CAMTA1: variants seen among roughly 807,000 people sequenced by gnomAD.
CAMTA1 encodes calmodulin binding transcription activator 1, also known as calmodulin-binding transcription activator 1.
A neutral mutation model predicts 170.9 loss-of-function variants in CAMTA1; 27 were observed. That is an observed-to-expected ratio of 0.16 (90% confidence interval 0.12 to 0.22). CAMTA1 has a LOEUF of 0.22. CAMTA1 is among the 10% of genes least tolerant of loss of function. CAMTA1 has a pLI of 1.00. For missense variants in CAMTA1, 1,619 were observed against 2,217.2 expected (o/e 0.73, Z 5.42); for synonymous variants, 833 against 891.5 (o/e 0.93, Z 1.17).
chr1:7,536,114 C>CTGGCAGCCCCCAGAGGTGACA (rs952617115), intron 6 of CAMTA1, among the ~76,000 whole-genome samples: 15 of 152,080 alleles, frequency 9.9e-5, no homozygotes, highest in African/African-American at 3.6e-4. Flanking sequence ...CCAAGCATCC[C>CTGGCAGCCCCCAGAGGTGACA]TGGCAGCCCC....
At chr1:6,917,530 G>A (rs1681071966) in intron 3 of CAMTA1, among the ~76,000 whole-genome samples, 1 of 148,728 alleles carries the variant, frequency 6.7e-6, no homozygotes, top group Non-Finnish European at 1.5e-5. Context: ...AAAGGAATCT[G>A]TAGGACTTGG....
intron 5 of CAMTA1, among the ~76,000 whole-genome samples, chr1:7,377,604 A>G (rs951754177): frequency 3.9e-5 from 6 of 152,246 alleles, no homozygotes; most frequent in Non-Finnish European, 8.8e-5. Flanking sequence ...CAATTCATTT[A>G]GACTAAGGAT....
chr1:7,323,396 A>C (rs1011956812), intron 5 of CAMTA1, among the ~76,000 whole-genome samples: 2 of 151,310 alleles, frequency 1.3e-5, no homozygotes, highest in African/African-American at 4.9e-5. Flanking sequence ...CTTTGCTCCG[A>C]GTTTACCTTC....
chr1:7,527,631 T>G (rs1330161861), intron 6 of CAMTA1, among the ~76,000 whole-genome samples: 1 of 152,158 alleles, frequency 6.6e-6, no homozygotes, highest in South Asian at 2.1e-4. Context: ...GGGCCTTGTA[T>G]CTTGAGCCTA....
chr1:6,990,809 A>C (rs201521948), intron 3 of CAMTA1, among the ~76,000 whole-genome samples: 23,248 of 148,278 alleles, frequency 0.16, 1,971 homozygotes, highest in African/African-American at 0.23. Context: ...CTCTCTCTAT[A>C]TATATATATA....
chr1:6,966,121 C>T (rs1691494404), intron 3 of CAMTA1, among the ~76,000 whole-genome samples: 1 of 152,126 alleles, frequency 6.6e-6, no homozygotes, highest in Admixed American at 6.5e-5. Flanking sequence ...GACTGCCACT[C>T]TCAGATTCAA....
At chr1:7,171,540 G>A (rs1649603073) in intron 4 of CAMTA1, among the ~76,000 whole-genome samples, 1 of 152,144 alleles carries the variant, frequency 6.6e-6, no homozygotes, top group Non-Finnish European at 1.5e-5. Context: ...CTGCTCTTAA[G>A]GGACTCTTTT....
intron 6 of CAMTA1, among the ~76,000 whole-genome samples, chr1:7,478,230 C>G (rs1435898743): frequency 6.6e-6 from 1 of 152,026 alleles, no homozygotes; most frequent in Non-Finnish European, 1.5e-5. Context: ...AAGGTCCTAT[C>G]CAACCCAGTT....
intron 11 of CAMTA1, among the ~76,000 whole-genome samples, chr1:7,688,011 C>CTTTTTTTTTTTTTTTTTTTTTT (rs70987364): frequency 1.5e-4 from 16 of 103,274 alleles, no homozygotes; most frequent in South Asian, 3.4e-4. Context: ...CTCATTATTC[C>CTTTTTTTTTTTTTTTTTTTTTT]TTTTTTTTTT....
intron 6 of CAMTA1, among the ~76,000 whole-genome samples, chr1:7,522,169 C>G (rs559171741): frequency 6.6e-6 from 1 of 152,268 alleles, no homozygotes; most frequent in Admixed American, 6.5e-5. Flanking sequence ...GATGTTGTCA[C>G]TATTTTTTAT....
chr1:7,506,018 G>C (rs573205489), intron 6 of CAMTA1, among the ~76,000 whole-genome samples: 1 of 152,198 alleles, frequency 6.6e-6, no homozygotes, highest in Non-Finnish European at 1.5e-5. Flanking sequence ...AGGGGAGGCA[G>C]AGCTCTTCAC....
intron 7 of CAMTA1, among the ~76,000 whole-genome samples, chr1:7,645,580 G>A (rs1576570608): frequency 6.6e-6 from 1 of 152,242 alleles, no homozygotes; most frequent in Admixed American, 6.5e-5. Flanking sequence ...AGATGGCCCT[G>A]CAGCCATGAG....
At chr1:7,190,581 T>G (rs1333080864) in intron 4 of CAMTA1, among the ~76,000 whole-genome samples, 5 of 152,314 alleles carry the variant, frequency 3.3e-5, no homozygotes, top group Admixed American at 1.3e-4. Context: ...GGAGGGGAAT[T>G]TCAATTTTTA....
In CAMTA1 at chr1:7,363,376, C is replaced by T. The variant is rs556743404; in HGVS notation, c.439-104454C>T. 3.3e-5 allele frequency among the ~76,000 whole-genome samples: 5 copies of T among 151,490 alleles called. No individual in the cohort carries two copies. In the South Asian group the frequency reaches 1.0e-3, roughly 32 times the overall value. On this transcript the variant is annotated intron_variant, in intron 5 of 22. Coordinates refer to ENST00000303635, the MANE Select transcript of CAMTA1 (RefSeq NM_015215.4). ...ATAAAATATTACTTTATCATCTTCC[C>T]GTTGCAGGACATTTGATGTAACACT...
chr1:7,617,123 C>T (rs1044484224), intron 6 of CAMTA1, among the ~76,000 whole-genome samples: 1 of 152,164 alleles, frequency 6.6e-6, no homozygotes, highest in Non-Finnish European at 1.5e-5. Context: ...GAGCCAGGTT[C>T]GGCCACGGGA....
intron 3 of CAMTA1, among the ~76,000 whole-genome samples, chr1:7,048,925 A>G (rs1572683750): frequency 6.6e-6 from 1 of 152,196 alleles, no homozygotes; most frequent in East Asian, 1.9e-4. Flanking sequence ...CTGTGTTGCA[A>G]ATCTCCTCCA....
At chr1:6,796,463 A>C (rs1190096253) in intron 1 of CAMTA1, among the ~76,000 whole-genome samples, 1 of 151,992 alleles carries the variant, frequency 6.6e-6, no homozygotes, top group African/African-American at 2.4e-5. Flanking sequence ...GTATAATTTG[A>C]CTAAGTTGGA....
chr1:7,731,503 C>T (rs1044048212), intron 11 of CAMTA1, among the ~76,000 whole-genome samples: 2 of 149,752 alleles, frequency 1.3e-5, no homozygotes, highest in African/African-American at 4.9e-5. Flanking sequence ...ACCCGGGAGG[C>T]AGAGGTTACA....
chr1:6,990,856 T>C (rs1696266128), intron 3 of CAMTA1, among the ~76,000 whole-genome samples: 1 of 151,694 alleles, frequency 6.6e-6, no homozygotes, highest in African/African-American at 2.4e-5. Flanking sequence ...TTAATCTCAA[T>C]AGCTTTTTGG....
Sources: allele counts gnomAD v4.1 joint callset (sites outside exome capture counted in the v4.1 genomes callset), GRCh38; gene constraint gnomAD v4.1.1; transcripts MANE v1.5; gene names NCBI Gene and HGNC (gene_info 2026-07-23, HGNC 2026-07-21).